The following ROR2 variants were observed in gnomAD, a reference collection of about 807,000 sequenced individuals.
ROR2 encodes the protein ROR family WNT receptor 2.
A neutral mutation model predicts 74.9 loss-of-function variants in ROR2; 33 were observed. That is an observed-to-expected ratio of 0.44 (90% confidence interval 0.33 to 0.59). ROR2 has a LOEUF of 0.59. Ranked by LOEUF, ROR2 falls within the 20% of genes least tolerant of loss-of-function variation. The probability of loss-of-function intolerance (pLI) is 0.02; values close to 1 mark genes in which losing one functional copy is unlikely to be tolerated. For synonymous variants in ROR2, 586 were observed against 558.7 expected, an observed-to-expected ratio of 1.05 and a Z score of -0.69; for missense variants, 1,216 against 1,313.8, an observed-to-expected ratio of 0.93 and a Z score of 1.15.
intron 1 of ROR2, among the ~76,000 whole-genome samples, chr9:91,805,614 C>T (rs910483596): frequency 1.3e-5 from 2 of 152,302 alleles, no homozygotes; most frequent in South Asian, 2.1e-4. Flanking sequence ...GGAAGAAATG[C>T]CAGCGTGGCC....
chr9:91,832,742 A>G (rs1208222988), intron 1 of ROR2, among the ~76,000 whole-genome samples: 1 of 152,136 alleles, frequency 6.6e-6, no homozygotes, highest in Non-Finnish European at 1.5e-5. Context: ...CCTGTGACAA[A>G]TCTTTTCATA....
intron 1 of ROR2, among the ~76,000 whole-genome samples, chr9:91,792,134 T>A (rs1432820208): frequency 6.6e-6 from 1 of 152,164 alleles, no homozygotes; most frequent in Non-Finnish European, 1.5e-5. Context: ...GTCTACTTTT[T>A]AGAAGATTTT....
intron 1 of ROR2, among the ~76,000 whole-genome samples, chr9:91,833,094 G>T (rs942012972): frequency 1.3e-5 from 2 of 152,306 alleles, no homozygotes; most frequent in African/African-American, 4.8e-5. Context: ...GGGAAGGTGG[G>T]CTGAGAGACA....
chr9:91,893,476 G>A (rs1391966551), intron 1 of ROR2, among the ~76,000 whole-genome samples: 2 of 151,778 alleles, frequency 1.3e-5, no homozygotes, highest in Admixed American at 6.6e-5. Context: ...TGAGGTCCTT[G>A]CACCAACCCT....
intron 1 of ROR2, among the ~76,000 whole-genome samples, chr9:91,830,204 C>A (rs544030077): frequency 6.6e-6 from 1 of 152,270 alleles, no homozygotes; most frequent in South Asian, 2.1e-4. Flanking sequence ...GTGGCTCTTG[C>A]CTGTAATTCC....
intron 1 of ROR2, among the ~76,000 whole-genome samples, chr9:91,803,516 C>T (rs1020978489): frequency 6.6e-6 from 1 of 152,220 alleles, no homozygotes; most frequent in Non-Finnish European, 1.5e-5. Flanking sequence ...GGTTAAGATG[C>T]TAAATTTTCT....
intron 1 of ROR2, among the ~76,000 whole-genome samples, chr9:91,839,005 C>T (rs942228323): frequency 2.0e-5 from 3 of 152,036 alleles, no homozygotes; most frequent in Admixed American, 6.6e-5. Flanking sequence ...TCCTGGGCAA[C>T]GAGTCAAAAA....
chr9:91,820,033 G>A (rs1404032525), intron 1 of ROR2, among the ~76,000 whole-genome samples: 7 of 152,198 alleles, frequency 4.6e-5, no homozygotes, highest in Non-Finnish European at 1.5e-5. Flanking sequence ...ATATGAAGAA[G>A]AAGGGGCAGT....
chr9:91,830,809 CGTGTGTGTGTGTGTGTGTGTGTGTGTGT>C (rs34963566), intron 1 of ROR2, among the ~76,000 whole-genome samples: 1 of 139,576 alleles, frequency 7.2e-6, no homozygotes, highest in Non-Finnish European at 1.5e-5. Context: ...TAACTGTGTC[CGTGTGTGTGTGTGTGTGTGTGTGTGTGT>C]GTGTGTGTGT....
intron 1 of ROR2, among the ~76,000 whole-genome samples, chr9:91,926,543 C>CA (rs34550588): frequency 0.017 from 1,713 of 101,016 alleles, 34 homozygotes; most frequent in African/African-American, 0.047. Flanking sequence ...GACTCCATCT[C>CA]AAAAAAAAAA....
intron 4 of ROR2, among the ~76,000 whole-genome samples, chr9:91,741,613 G>A (rs376147872): frequency 4.3e-4 from 65 of 152,274 alleles, no homozygotes; most frequent in African/African-American, 1.5e-3. Flanking sequence ...ATATTGCATA[G>A]GAAGTTAACA....
At chr9:91,912,043 G>A (rs1215903896) in intron 1 of ROR2, among the ~76,000 whole-genome samples, 1 of 151,622 alleles carries the variant, frequency 6.6e-6, no homozygotes, top group Non-Finnish European at 1.5e-5. Flanking sequence ...GCAATACTGA[G>A]GAACTGTCAC....
At chr9:91,910,364 AC>A (rs1830945030) in intron 1 of ROR2, among the ~76,000 whole-genome samples, 2 of 152,032 alleles carry the variant, frequency 1.3e-5, no homozygotes, top group South Asian at 4.1e-4. Flanking sequence ...TAGTATCTCC[AC>A]CCCCAAATAT....
chr9:91,849,895 C>A (rs1429591433), intron 1 of ROR2, among the ~76,000 whole-genome samples: 2 of 152,218 alleles, frequency 1.3e-5, no homozygotes, highest in African/African-American at 4.8e-5. Context: ...AGGTTTGAGT[C>A]ACCTCATTTT....
At chr9:91,866,811 T>C (rs1048428836) in intron 1 of ROR2, among the ~76,000 whole-genome samples, 1 of 152,142 alleles carries the variant, frequency 6.6e-6, no homozygotes, top group African/African-American at 2.4e-5. Context: ...TACAGAATAT[T>C]TCCATTTTCC....
chr9:91,870,553 T>C (rs1022763665), intron 1 of ROR2, among the ~76,000 whole-genome samples: 2 of 152,266 alleles, frequency 1.3e-5, no homozygotes, highest in Non-Finnish European at 2.9e-5. Flanking sequence ...AACACTGTTA[T>C]CCTTTCAATT....
chr9:91,767,215 T>C lies in ROR2; in HGVS notation c.175+8526A>G, dbSNP rs559900091. Reference sequence around the variant, plus strand: ...TCAGCCTCCCGAGTAGCTGGGATTATAGGCATGCACCACCACGCCCAGCTA... The same window carrying C: ...TCAGCCTCCCGAGTAGCTGGGATTACAGGCATGCACCACCACGCCCAGCTA... On this transcript the variant is annotated intron_variant, in intron 2 of 8. Coordinates refer to ENST00000375708, the MANE Select transcript of ROR2 (RefSeq NM_004560.4). Among the ~76,000 whole-genome samples, 4 of 152,054 alleles carry C rather than the reference T, an allele frequency of 2.6e-5. No homozygotes were observed. In the East Asian group the frequency reaches 5.8e-4, roughly 22 times the overall value.
intron 4 of ROR2, among the ~76,000 whole-genome samples, chr9:91,740,444 C>T (rs954109308): frequency 7.3e-5 from 11 of 151,152 alleles, no homozygotes; most frequent in Non-Finnish European, 1.2e-4. Context: ...CCCAGCTACT[C>T]GGGAGGCTGG....
At chr9:91,744,954 A>T (rs1825361099) in intron 4 of ROR2, among the ~76,000 whole-genome samples, 1 of 152,222 alleles carries the variant, frequency 6.6e-6, no homozygotes, top group African/African-American at 2.4e-5. Context: ...CTCACTGTGC[A>T]TAATATGGTG....
Sources: allele counts gnomAD v4.1 joint callset (sites outside exome capture counted in the v4.1 genomes callset), GRCh38; gene constraint gnomAD v4.1.1; transcripts MANE v1.5; gene names NCBI Gene and HGNC (gene_info 2026-07-23, HGNC 2026-07-21).